Variants in DDR2 observed in about 807,000 individuals in gnomAD.
The protein encoded by DDR2 is discoidin domain-containing receptor 2.
A neutral mutation model predicts 94.9 loss-of-function variants in DDR2; 27 were observed. That is an observed-to-expected ratio of 0.28 (90% CI 0.21 to 0.39). DDR2 has a LOEUF of 0.39. Ranked by LOEUF, DDR2 falls within the 10% of genes least tolerant of loss-of-function variation. DDR2 has a pLI of 1.00. For synonymous variants in DDR2, 382 were observed against 377.2 expected, an observed-to-expected ratio of 1.01 and a Z score of -0.15; for missense variants, 783 against 1,076.0, an observed-to-expected ratio of 0.73 and a Z score of 3.81.
chr1:162,755,353 T>C (rs201234610), intron 6 of DDR2, 50 bp downstream of exon 6: 1 of 1,609,542 alleles, frequency 6.2e-7, no homozygotes, highest in East Asian at 2.2e-5. Flanking sequence ...AACTCCAACT[T>C]CTGGGAAATG....
chr1:162,767,263 G>A lies in DDR2; in HGVS notation c.1197G>A (p.Arg399=). 1 of 1,614,070 alleles carries A rather than the reference G, an allele frequency of 6.2e-7. No individual in the cohort carries two copies. Among genetic ancestry groups the A allele is most frequent in the Non-Finnish European group, 8.5e-7 (1 of 1,180,000 alleles). Residue 399 remains arginine (R), a synonymous_variant, in exon 11 of 18, where the codon CGG becomes CGA. Transcript: ENST00000367921. ...PMLKVDDSNT[R]ILIGCLVAII... ...TTAAAGTTGATGACAGCAACACTCG[G>A]ATCCTGATTGGCTGCTTGGTGGCCA...
At chr1:162,740,254 G>C (rs565253671) in intron 3 of DDR2, among the ~76,000 whole-genome samples, 1 of 152,230 alleles carries the variant, frequency 6.6e-6, no homozygotes, top group East Asian at 1.9e-4. Context: ...TAAAATGTGA[G>C]AAATCAGAGA....
At position 162,783,206 on chromosome 1, in the gene DDR2, A is replaced by T. The variant is rs1367978676; in HGVS notation, c.*2960A>T. 1 of 152,174 alleles carries T rather than the reference A, an allele frequency of 6.6e-6. No individual in the cohort carries two copies. Among genetic ancestry groups the T allele is most frequent in the Admixed American group, 6.5e-5 (1 of 15,274 alleles). The allele number at this position is 152,174 out of a possible 1,614,324, so 9.4% of individuals were successfully genotyped here. ...TTTTGGGATTGTCAGATCTAAACTT[A>T]TATTCTTGCTGGCTAATGTGCTGAT... is the stretch of plus-strand genomic sequence containing the variant. On this transcript the variant is annotated 3_prime_UTR_variant, in exon 18 of 18. Coordinates refer to ENST00000367921, the MANE Select transcript of DDR2 (RefSeq NM_006182.4).
chr1:162,680,746 A>T (rs1659360707), intron 2 of DDR2, among the ~76,000 whole-genome samples: 1 of 152,192 alleles, frequency 6.6e-6, no homozygotes, highest in South Asian at 2.1e-4. Context: ...AAATAATATA[A>T]CCCAACCTTA....
chr1:162,760,046 G>T, intron 8 of DDR2, 67 bp downstream of exon 8: 1 of 1,608,576 alleles, frequency 6.2e-7, no homozygotes, highest in Non-Finnish European at 8.5e-7. Context: ...TAGAGAAAAG[G>T]CATGCTAGAA....
chr1:162,661,582 C>T (rs531400372), intron 2 of DDR2, among the ~76,000 whole-genome samples: 1 of 152,256 alleles, frequency 6.6e-6, no homozygotes, highest in Non-Finnish European at 1.5e-5. Context: ...AGACAGAAGG[C>T]AGAGACTTAG....
At chr1:162,670,268 G>A (rs947654903) in intron 2 of DDR2, among the ~76,000 whole-genome samples, 3 of 152,120 alleles carry the variant, frequency 2.0e-5, no homozygotes, top group Non-Finnish European at 4.4e-5. Context: ...GCGCCACCAT[G>A]CCTGGCTAAT....
chr1:162,684,493 G>A (rs1178229103), intron 2 of DDR2, among the ~76,000 whole-genome samples: 1 of 151,646 alleles, frequency 6.6e-6, no homozygotes, highest in Non-Finnish European at 1.5e-5. Context: ...TTCTTTATTT[G>A]GACTCCTTAA....
At position 162,746,255 on chromosome 1, in the gene DDR2, G is replaced by A. The variant is rs573336301; in HGVS notation, c.83-6840G>A. On this transcript the variant is annotated intron_variant, in intron 3 of 17. Coordinates refer to ENST00000367921, the MANE Select transcript of DDR2 (RefSeq NM_006182.4). The stretch of plus-strand genomic sequence containing the variant: ...TGTGACAGATGGTACCTGGAAAATC[G>A]GGACACTCCCAGCCTAATACTGCGC... 5.9e-5 allele frequency among the ~76,000 whole-genome samples: 9 copies of A among 152,288 alleles called. No individual in the cohort carries two copies. In the South Asian group the frequency reaches 6.2e-4, roughly 11 times the overall value.
intron 3 of DDR2, among the ~76,000 whole-genome samples, chr1:162,732,100 G>T (rs1226731868): frequency 6.6e-6 from 1 of 152,312 alleles, no homozygotes; most frequent in Non-Finnish European, 1.5e-5. Context: ...CTGGGGCTCT[G>T]CAAGAATTGT....
chr1:162,667,609 G>A (rs1335315904), intron 2 of DDR2, among the ~76,000 whole-genome samples: 1 of 152,202 alleles, frequency 6.6e-6, no homozygotes, highest in African/African-American at 2.4e-5. Context: ...TGGAAGAAAT[G>A]CACTGGTGGT....
chr1:162,678,560 T>G (rs1478514742), intron 2 of DDR2, among the ~76,000 whole-genome samples: 1 of 152,220 alleles, frequency 6.6e-6, no homozygotes, highest in African/African-American at 2.4e-5. Flanking sequence ...AAATGAGGAA[T>G]CACTGGCCCA....
rs150425412 is a variant in DDR2, at chr1:162,666,587, G to C, written c.-28+11213G>C. 2.0e-3 allele frequency among the ~76,000 whole-genome samples: 309 copies of C among 152,252 alleles called. 1 individual carries two copies. Among genetic ancestry groups the C allele is most frequent in the African/African-American group, 7.1e-3 (294 of 41,544 alleles). ...TGAAAAAATGTGTGTGGGGGAAAGG[G>C]GGAGGGTTAGTGATTAAAAATGTGT... is the stretch of plus-strand genomic sequence containing the variant. On this transcript the variant is annotated intron_variant, in intron 2 of 17. Coordinates refer to ENST00000367921, the MANE Select transcript of DDR2 (RefSeq NM_006182.4).
rs149893763 is a variant in DDR2 at position 162,765,257 on chromosome 1, C to T, written c.1100-744C>T. On this transcript the variant is annotated intron_variant, in intron 9 of 17. Coordinates refer to ENST00000367921, the MANE Select transcript of DDR2 (RefSeq NM_006182.4). Reference sequence around the variant, plus strand: ...ATAATAATATTAGTTTTCACCGGAGCCTGACAGCCGAACTCCGAAAGCACA... The same window carrying T: ...ATAATAATATTAGTTTTCACCGGAGTCTGACAGCCGAACTCCGAAAGCACA... 3.5e-3 allele frequency among the ~76,000 whole-genome samples: 533 copies of T among 152,184 alleles called. 7 individuals carry two copies. Among genetic ancestry groups the T allele is most frequent in the East Asian group, 0.034 (178 of 5,168 alleles).
chr1:162,681,139 G>GT (rs1659379041), intron 2 of DDR2, among the ~76,000 whole-genome samples: 1 of 152,116 alleles, frequency 6.6e-6, no homozygotes, highest in African/African-American at 2.4e-5. Context: ...TCCTGGATCT[G>GT]TTTTTTAGCT....
chr1:162,673,527 G>A (rs1373757679), intron 2 of DDR2, among the ~76,000 whole-genome samples: 2 of 151,858 alleles, frequency 1.3e-5, no homozygotes, highest in East Asian at 3.9e-4. Flanking sequence ...GGCTCATGGG[G>A]TTTGTATTTT....
intron 2 of DDR2, among the ~76,000 whole-genome samples, chr1:162,672,216 A>G (rs908630516): frequency 6.6e-6 from 1 of 152,146 alleles, no homozygotes; most frequent in Non-Finnish European, 1.5e-5. Context: ...CTGTGCTTCT[A>G]TTATTTCATC....
chr1:162,689,006 T>C (rs895691782), intron 2 of DDR2, among the ~76,000 whole-genome samples: 1 of 152,218 alleles, frequency 6.6e-6, no homozygotes, highest in Non-Finnish European at 1.5e-5. Context: ...GTGCACACTT[T>C]TGTTGTGTGA....
chr1:162,646,708 C>T (rs974153088), intron 1 of DDR2, among the ~76,000 whole-genome samples: 4 of 152,158 alleles, frequency 2.6e-5, no homozygotes, highest in African/African-American at 9.7e-5. Context: ...TTCCATTGGG[C>T]CAGTGGGTCT....
Sources: gnomAD v4.1 joint callset for allele counts (sites outside exome capture counted in the v4.1 genomes callset) on GRCh38, gnomAD v4.1.1 for gene constraint, MANE v1.5 for transcripts, NCBI Gene and HGNC (gene_info 2026-07-23, HGNC 2026-07-21) for gene names.